Variants in STK32B observed in about 807,000 individuals in gnomAD.
STK32B encodes the protein serine/threonine-protein kinase 32B.
A neutral mutation model predicts 52.6 loss-of-function variants in STK32B; 43 were observed. That is an observed-to-expected ratio of 0.82 (90% confidence interval 0.64 to 1.05). The LOEUF (loss-of-function observed/expected upper bound fraction) is 1.05, where lower values mean the gene tolerates loss of function less well. STK32B is among the 50% of genes least tolerant of loss of function. The pLI, the probability that STK32B is intolerant of heterozygous loss-of-function variation, is 0.00. For synonymous variants in STK32B, 238 were observed against 204.3 expected (o/e 1.17, Z -1.41); for missense variants, 621 against 534.6 (o/e 1.16, Z -1.59).
At chr4:5,432,177 C>T (rs1713644227) in intron 6 of STK32B, 1 of 152,164 alleles carries the variant, frequency 6.6e-6, no homozygotes, top group African/African-American at 2.4e-5. Context: ...AAGTTAAATG[C>T]TTGCCCAGTG....
chr4:5,293,914 G>A lies in STK32B; in HGVS notation c.261-37306G>A, dbSNP rs963330508. The stretch of plus-strand genomic sequence containing the variant: ...CTAGGTTTTCTTCTAGGGCTTTTAT[G>A]GTTTTAGATCTTATGTTTAAGTCTT... On this transcript the variant is annotated intron_variant, in intron 3 of 11. Coordinates refer to ENST00000282908, the MANE Select transcript of STK32B (RefSeq NM_018401.3). Among the ~76,000 whole-genome samples the A allele has an allele frequency of 8.5e-5, 13 of 152,118 alleles. 1 individual carries two copies. The highest frequency in any genetic ancestry group is 5.8e-4 in the East Asian group (3 of 5,186).
At position 5,453,224 on chromosome 4, in the gene STK32B, GGAGAGA is replaced by G. The variant is rs34791116; in HGVS notation, c.667-3567_667-3562del. 2.0e-5 allele frequency among the ~76,000 whole-genome samples: 3 copies of G among 150,630 alleles called. No homozygotes were observed. Among genetic ancestry groups the G allele is most frequent in the African/African-American group, 4.9e-5 (2 of 41,006 alleles). On this transcript the variant is annotated intron_variant, in intron 7 of 11. Transcript: ENST00000282908. This position sits in a 1 kb window ranked among gnomAD's most constrained non-coding sequence, Gnocchi z 4.0. ...AAGGAGAGAGAATTACAGAGATTAG[GGAGAGA>G]GAGAGAGAGAGAGAGTAGCTCATGT...
intron 1 of STK32B, among the ~76,000 whole-genome samples, chr4:5,132,933 G>A (rs988816011): frequency 1.3e-5 from 2 of 152,086 alleles, no homozygotes; most frequent in African/African-American, 2.4e-5. Context: ...CAAGTAGCTG[G>A]GATTACAGGC....
intron 11 of STK32B, among the ~76,000 whole-genome samples, chr4:5,473,976 T>G (rs1039329906): frequency 6.6e-6 from 1 of 152,016 alleles, no homozygotes; most frequent in Non-Finnish European, 1.5e-5. Context: ...TAGTCTGGTG[T>G]GGTGGTACAT....
At chr4:5,415,250 T>A (rs1374704916) in intron 5 of STK32B, among the ~76,000 whole-genome samples, 1 of 152,240 alleles carries the variant, frequency 6.6e-6, no homozygotes, top group Non-Finnish European at 1.5e-5. Flanking sequence ...GTTTCATGTG[T>A]ATAAACTCCC....
At chr4:5,492,809 C>A (rs1719860558) in intron 11 of STK32B, among the ~76,000 whole-genome samples, 1 of 151,270 alleles carries the variant, frequency 6.6e-6, no homozygotes, top group Non-Finnish European at 1.5e-5. Flanking sequence ...TTGTCAAAGG[C>A]CTTTTCTGCA....
At chr4:5,379,277 C>T (rs1330701796) in intron 4 of STK32B, among the ~76,000 whole-genome samples, 1 of 152,128 alleles carries the variant, frequency 6.6e-6, no homozygotes, top group African/African-American at 2.4e-5. Flanking sequence ...CTTTCCAGAA[C>T]TTTCACCAGG....
intron 3 of STK32B, among the ~76,000 whole-genome samples, chr4:5,185,838 T>C (rs1720698909): frequency 6.6e-6 from 1 of 152,226 alleles, no homozygotes; most frequent in African/African-American, 2.4e-5. Context: ...TTCTGTGATC[T>C]AGCCTGTAAC....
At chr4:5,144,243 GTC>G (rs1349066916) in intron 2 of STK32B, among the ~76,000 whole-genome samples, 1 of 152,214 alleles carries the variant, frequency 6.6e-6, no homozygotes, top group Non-Finnish European at 1.5e-5. Context: ...TGCACTTTGA[GTC>G]TCTGTGTCTT....
intron 11 of STK32B, among the ~76,000 whole-genome samples, chr4:5,472,868 C>T (rs1333065073): frequency 6.6e-6 from 1 of 152,112 alleles, no homozygotes; most frequent in Non-Finnish European, 1.5e-5. Context: ...AACCTTGGCA[C>T]TGACTGTTGA....
chr4:5,243,009 C>T (rs568678739), intron 3 of STK32B, among the ~76,000 whole-genome samples: 1,831 of 152,208 alleles, frequency 0.012, 29 homozygotes, highest in Middle Eastern at 0.031. Flanking sequence ...AGTCAGGTAG[C>T]GTGATGCCTC....
chr4:5,292,263 A>G (rs960916412), intron 3 of STK32B, among the ~76,000 whole-genome samples: 1 of 152,122 alleles, frequency 6.6e-6, no homozygotes, highest in Non-Finnish European at 1.5e-5. Context: ...CCCCAACAAC[A>G]ATGTATGAAT....
intron 3 of STK32B, among the ~76,000 whole-genome samples, chr4:5,230,140 A>AACTCTAGCAAACAGAAGAAC (rs1724151376): frequency 6.8e-6 from 1 of 148,046 alleles, no homozygotes; most frequent in South Asian, 2.1e-4. Context: ...TACTTTAGAA[A>AACTCTAGCAAACAGAAGAAC]ACTCTAGCAA....
rs1313256328 is a variant in STK32B, at chr4:5,394,075, A to C, written c.435-4132A>C. ...GCCCCCTGCCAAAAGACACATGCAG[A>C]AACATCCTGGTGGCCCTGCTTTGCA... On this transcript the variant is annotated intron_variant, in intron 4 of 11. Transcript: ENST00000282908. The surrounding 1 kb of genome is among the most constrained non-coding windows in gnomAD (Gnocchi z 4.2). Among the ~76,000 whole-genome samples, 2 of 152,218 alleles carry C rather than the reference A, an allele frequency of 1.3e-5. No individual in the cohort carries two copies. The highest frequency in any genetic ancestry group is 4.8e-5 in the African/African-American group (2 of 41,460).
chr4:5,023,138 C>A, the STK32B span, among the ~76,000 whole-genome samples: 1 of 152,012 alleles, frequency 6.6e-6, no homozygotes, highest in Admixed American at 6.6e-5. Context: ...ATTCAGGAGG[C>A]CTCTAGAATG....
chr4:5,143,103 C>G (rs1016020173), intron 2 of STK32B, among the ~76,000 whole-genome samples: 9 of 131,888 alleles, frequency 6.8e-5, no homozygotes, highest in Non-Finnish European at 1.2e-4. Flanking sequence ...GTCTCTGTCT[C>G]TGTCTGTCTG....
At chr4:5,173,819 T>C (rs1399800805) in intron 3 of STK32B, among the ~76,000 whole-genome samples, 1 of 152,224 alleles carries the variant, frequency 6.6e-6, no homozygotes, top group African/African-American at 2.4e-5. Flanking sequence ...GTCTATTAGG[T>C]CTCCTTGGTG....
At chr4:5,054,230 A>G (rs1363166931) in intron 1 of STK32B, among the ~76,000 whole-genome samples, 1 of 152,116 alleles carries the variant, frequency 6.6e-6, no homozygotes, top group Non-Finnish European at 1.5e-5. Flanking sequence ...ATGAAGGCAA[A>G]GTGTTAACAA....
At chr4:5,169,347 G>A (rs111280044) in intron 3 of STK32B, among the ~76,000 whole-genome samples, 1 of 152,072 alleles carries the variant, frequency 6.6e-6, no homozygotes, top group African/African-American at 2.4e-5. Flanking sequence ...GGAGAGGGAG[G>A]ACAGGCCGCT....
Sources: allele counts gnomAD v4.1 joint callset (sites outside exome capture counted in the v4.1 genomes callset), GRCh38; gene constraint gnomAD v4.1.1; non-coding constraint Gnocchi (gnomAD v3.1); transcripts MANE v1.5; gene names NCBI Gene and HGNC (gene_info 2026-07-23, HGNC 2026-07-21).